RPN1: variants seen among roughly 807,000 people sequenced by gnomAD.
RPN1 encodes the protein dolichyl-diphosphooligosaccharide--protein glycosyltransferase subunit 1.
Under a neutral mutation model 55.5 loss-of-function variants are expected in RPN1, and 12 were observed. The observed-to-expected ratio is 0.22, with a 90% CI of 0.14 to 0.35. RPN1 has a LOEUF of 0.35. RPN1 is among the 10% of genes least tolerant of loss of function. The probability of loss-of-function intolerance (pLI) is 1.00; values close to 1 mark genes in which losing one functional copy is unlikely to be tolerated. For synonymous variants in RPN1, 317 were observed against 305.9 expected (o/e 1.04, Z -0.38); for missense variants, 679 against 761.3 (o/e 0.89, Z 1.27).
Position 128,638,463 on chromosome 3 carries a change from G to A in RPN1, c.327-358C>T, listed in dbSNP as rs575680236. On this transcript the variant is annotated intron_variant, in intron 2 of 9. Coordinates refer to ENST00000296255, the MANE Select transcript of RPN1 (RefSeq NM_002950.4). ...CCCTGAGAGAAACAGCTACATATCT[G>A]TCTTAGAAGACTTAAATTATTTTTT... Among the ~76,000 whole-genome samples the A allele has an allele frequency of 3.9e-5, 6 of 152,198 alleles. No individual in the cohort carries two copies. The East Asian group carries it at 1.2e-3, about 29-fold the overall frequency.
rs1559755919 is a variant in RPN1 at position 128,635,684 on chromosome 3, TAG to T, written c.633+2113_633+2114del. On this transcript the variant is annotated intron_variant, in intron 3 of 9. Coordinates refer to ENST00000296255, the MANE Select transcript of RPN1 (RefSeq NM_002950.4). Reference sequence around the variant, plus strand: ...ATATATAGATATCTATAGATATCTATAGATATACACACACACACACACACACA... The same window carrying T: ...ATATATAGATATCTATAGATATCTATATATACACACACACACACACACACA... Among the ~76,000 whole-genome samples the T allele has an allele frequency of 9.2e-3, 973 of 105,574 alleles. 15 individuals are homozygous for T. The highest frequency in any genetic ancestry group is 0.034 in the Middle Eastern group (8 of 236). The allele number at this position is 105,574 out of a possible 152,430, so 69.3% of individuals were successfully genotyped here.
intron 1 of RPN1, among the ~76,000 whole-genome samples, chr3:128,647,693 G>GA (rs1280379043): frequency 0.057 from 3,851 of 67,896 alleles, 63 homozygotes; most frequent in Middle Eastern, 0.071. Context: ...CTTGCCTCAA[G>GA]AAAAAAAAAA....
chr3:128,642,044 T>C (rs1338608071), intron 2 of RPN1, among the ~76,000 whole-genome samples: 5 of 152,020 alleles, frequency 3.3e-5, no homozygotes, highest in Admixed American at 3.3e-4. Context: ...AAAAGCACAG[T>C]CCTAATAACT....
Position 128,637,872 on chromosome 3 carries a change from T to C in RPN1, c.560A>G (p.Lys187Arg). 2.5e-6 allele frequency: 4 copies of C among 1,614,184 alleles called. No homozygotes were observed. Among genetic ancestry groups the C allele is most frequent in the Non-Finnish European group, 3.4e-6 (4 of 1,180,046 alleles). ...CTCAGAGCGCGTGGGGTTCCCCAGC[T>C]TGGTGTAGCTCTCCACATTTCGAGA... ...LASRNVESYT[K>R]LGNPTRSEDL... The change falls in exon 3 of 10, where the codon AAG becomes AGG. Residue 187 changes from lysine to arginine, a missense_variant. Physicochemically the swap from Lys to Arg is conservative, Grantham distance 26. This residue lies in a region of RPN1 where 352 missense variants were observed against 352.8 expected (regional missense o/e 1.00). Transcript: ENST00000296255.
chr3:128,627,863 G>A (rs1041589212), intron 5 of RPN1, among the ~76,000 whole-genome samples: 3 of 152,204 alleles, frequency 2.0e-5, no homozygotes, highest in Non-Finnish European at 2.9e-5. Context: ...CCAGCAAGAC[G>A]CCCATAAAAA....
chr3:128,642,774 C>T (rs1006158441), intron 2 of RPN1, among the ~76,000 whole-genome samples: 3 of 152,046 alleles, frequency 2.0e-5, no homozygotes, highest in Non-Finnish European at 4.4e-5. Flanking sequence ...TGTAACCCAA[C>T]ACTTTGGGAG....
At chr3:128,626,079 G>C (rs568465571) in intron 6 of RPN1, 67 bp from the exon 7 acceptor site, 3 of 1,488,574 alleles carry the variant, frequency 2.0e-6, no homozygotes, top group Non-Finnish European at 9.1e-7. Context: ...TTTAGGATCA[G>C]AGAATTCCAA....
At chr3:128,642,176 A>G (rs1185059356) in intron 2 of RPN1, 1 of 152,218 alleles carries the variant, frequency 6.6e-6, no homozygotes, top group Non-Finnish European at 1.5e-5. Flanking sequence ...AGCAATTTTA[A>G]TAGCGACTTA....
chr3:128,638,005 G>C lies in RPN1; in HGVS notation c.427C>G (p.Pro143Ala), dbSNP rs2069693748. Residue 143 changes from proline to alanine, a missense_variant, in exon 3 of 10, where the codon CCA (proline) becomes GCA (alanine). This residue lies in a region of RPN1 where 352 missense variants were observed against 352.8 expected (regional missense o/e 1.00). Transcript: ENST00000296255. ...TTCTCTGACTGGGTGATCTGGGTTG[G>C]ATACGGATGAAGCACATGGGTGTAG... The part of the protein sequence containing the change: ...TVYTHVLHPY[P>A]TQITQSEKQF... The C allele has an allele frequency of 5.0e-6, 8 of 1,614,142 alleles. No individual in the cohort carries two copies. Among genetic ancestry groups the C allele is most frequent in the South Asian group, 2.2e-5 (2 of 91,078 alleles).
chr3:128,646,900 G>C (rs1231230682), intron 1 of RPN1, among the ~76,000 whole-genome samples: 1 of 151,696 alleles, frequency 6.6e-6, no homozygotes, highest in Admixed American at 6.6e-5. Flanking sequence ...TTGAACCTGG[G>C]AGGCAGAGGT....
chr3:128,634,477 G>A (rs1483046980), intron 3 of RPN1, among the ~76,000 whole-genome samples: 2 of 151,390 alleles, frequency 1.3e-5, no homozygotes, highest in Admixed American at 6.6e-5. Context: ...GCTTAGACAC[G>A]ACTCAGGTAC....
Position 128,639,929 on chromosome 3 carries a change from A to G in RPN1, c.327-1824T>C, listed in dbSNP as rs374969742. On this transcript the variant is annotated intron_variant, in intron 2 of 9. Transcript: ENST00000296255. ...GAGCTTGTATCATCCTCATATCAAG[A>G]AAAAAATAAAGCTACTAATATTTTA... is the stretch of plus-strand genomic sequence containing the variant. 2.6e-5 allele frequency among the ~76,000 whole-genome samples: 4 copies of G among 152,286 alleles called. No homozygotes were observed. In the South Asian group the frequency reaches 6.2e-4, roughly 24 times the overall value.
intron 3 of RPN1, among the ~76,000 whole-genome samples, chr3:128,637,320 T>C (rs1433619810): frequency 1.3e-5 from 2 of 152,120 alleles, no homozygotes; most frequent in East Asian, 1.9e-4. Flanking sequence ...CCGCTGAATC[T>C]AAGTGACGTG....
At chr3:128,636,575 A>G (rs746892019) in intron 3 of RPN1, among the ~76,000 whole-genome samples, 1 of 152,172 alleles carries the variant, frequency 6.6e-6, no homozygotes, top group Non-Finnish European at 1.5e-5. Flanking sequence ...CTAAACACAC[A>G]GAGAGATGCA....
intron 9 of RPN1, 32 bp downstream of exon 9, chr3:128,622,132 A>G (rs1197270957): frequency 6.2e-7 from 1 of 1,609,916 alleles, no homozygotes; most frequent in Non-Finnish European, 8.5e-7. Context: ...GAGGGCCCCA[A>G]GCCAAGCAAC....
chr3:128,626,381 TTC>T (rs2069600313), intron 6 of RPN1, among the ~76,000 whole-genome samples: 1 of 152,220 alleles, frequency 6.6e-6, no homozygotes, highest in East Asian at 1.9e-4. Flanking sequence ...GTTCTGAATG[TTC>T]TTTCTCTTCA....
intron 5 of RPN1, among the ~76,000 whole-genome samples, chr3:128,627,784 A>AAG (rs1553780282): frequency 1.8e-4 from 1 of 5,632 alleles, no homozygotes; most frequent in African/African-American, 8.1e-4. Flanking sequence ...AAAAAAAAAA[A>AAG]AAAAGATTAA....
chr3:128,647,906 A>G (rs1243989159), intron 1 of RPN1, among the ~76,000 whole-genome samples: 3 of 152,154 alleles, frequency 2.0e-5, no homozygotes, highest in East Asian at 1.9e-4. Flanking sequence ...ACTGGCTCCT[A>G]GTCAGTAACC....
intron 2 of RPN1, among the ~76,000 whole-genome samples, chr3:128,641,498 T>A (rs1232662863): frequency 1.3e-5 from 2 of 152,146 alleles, no homozygotes; most frequent in East Asian, 3.8e-4. Context: ...TACAGATATC[T>A]CTGCCTGAAA....
Sources: allele counts gnomAD v4.1 joint callset (sites outside exome capture counted in the v4.1 genomes callset), GRCh38; gene constraint gnomAD v4.1.1; regional missense constraint gnomAD v4.1.1; transcripts MANE v1.5; gene names NCBI Gene and HGNC (gene_info 2026-07-23, HGNC 2026-07-21).